The following STARD13 variants were observed in gnomAD, a reference collection of about 807,000 sequenced individuals.
The protein encoded by STARD13 is StAR related lipid transfer domain containing 13.
Under a neutral mutation model 106.4 loss-of-function variants are expected in STARD13, and 62 were observed. The observed-to-expected ratio is 0.58, with a 90% CI of 0.48 to 0.72. The LOEUF is 0.72. Among genes scored for constraint, STARD13 ranks in the 30% least tolerant of loss-of-function variants. The pLI, the probability that STARD13 is intolerant of heterozygous loss-of-function variation, is 0.00. For missense variants in STARD13, 1,387 were observed against 1,424.0 expected (o/e 0.97, Z 0.42); for synonymous variants, 565 against 553.0 (o/e 1.02, Z -0.31).
In STARD13 at chr13:33,127,370, C is replaced by T. The variant is rs201658432; in HGVS notation, c.1922+3G>A. 47 of 1,589,144 alleles carry T rather than the reference C, an allele frequency of 3.0e-5. No homozygotes were observed. The highest frequency in any genetic ancestry group is 7.0e-5 in the Admixed American group (4 of 56,824). ...TCCCCTCCTAGGTGAATGTGCTACG[C>T]ACCATGTCCAGCCGTGCTTGTTGGA... On this transcript the variant is annotated splice_donor_region_variant and intron_variant, in intron 6 of 13. Coordinates refer to ENST00000336934, the MANE Select transcript of STARD13 (RefSeq NM_178006.4).
chr13:33,303,893 T>G (rs897440917), intron 1 of STARD13, among the ~76,000 whole-genome samples: 3 of 152,160 alleles, frequency 2.0e-5, no homozygotes, highest in African/African-American at 7.2e-5. Flanking sequence ...CTTAGGAGAC[T>G]TCAAATTCTA....
intron 4 of STARD13, among the ~76,000 whole-genome samples, chr13:33,142,058 T>A (rs1879902323): frequency 6.6e-6 from 1 of 152,184 alleles, no homozygotes; most frequent in African/African-American, 2.4e-5. Context: ...AGACAGGGTG[T>A]CACTGTGTCA....
At chr13:33,184,960 CT>C (rs1885610854) in intron 1 of STARD13, among the ~76,000 whole-genome samples, 1 of 151,754 alleles carries the variant, frequency 6.6e-6, no homozygotes. Flanking sequence ...TGCAACAAAG[CT>C]TTCCTTCAAA....
intron 2 of STARD13, among the ~76,000 whole-genome samples, chr13:33,166,153 C>T (rs1268593370): frequency 1.3e-5 from 2 of 152,120 alleles, no homozygotes; most frequent in East Asian, 1.9e-4. Context: ...GTGCTGTCTA[C>T]ACCTTGCCAG....
intron 3 of STARD13, among the ~76,000 whole-genome samples, chr13:33,153,584 T>C (rs1056682558): frequency 3.4e-4 from 52 of 152,156 alleles, no homozygotes; most frequent in African/African-American, 1.3e-3. Flanking sequence ...AACAGAAGCC[T>C]GGAGAGACAC....
the STARD13 span, among the ~76,000 whole-genome samples, chr13:33,482,306 TA>T: frequency 6.6e-6 from 1 of 152,190 alleles, no homozygotes; most frequent in African/African-American, 2.4e-5. Flanking sequence ...TGCTTATGTT[TA>T]AAAATTTTCA....
chr13:33,237,096 A>C (rs138744254), intron 1 of STARD13, among the ~76,000 whole-genome samples: 1 of 152,186 alleles, frequency 6.6e-6, no homozygotes, highest in African/African-American at 2.4e-5. Flanking sequence ...TTTCTTCCTA[A>C]ACCAGCCCTC....
chr13:33,205,663 A>G (rs534411301), intron 1 of STARD13, among the ~76,000 whole-genome samples: 1 of 152,328 alleles, frequency 6.6e-6, no homozygotes, highest in South Asian at 2.1e-4. Flanking sequence ...CTGCTTTTTA[A>G]TTTTAAATCA....
chr13:33,167,770 G>A (rs989818410), intron 1 of STARD13, 148 bp from the exon 2 acceptor site: 9 of 706,888 alleles, frequency 1.3e-5, no homozygotes, highest in Admixed American at 4.7e-5. Context: ...AGGCTTACCC[G>A]GGAGTGGGTG....
the STARD13 span, among the ~76,000 whole-genome samples, chr13:33,427,869 C>A: frequency 5.9e-5 from 9 of 151,310 alleles, no homozygotes; most frequent in Admixed American, 1.3e-4. Context: ...GCAGGAAAAT[C>A]ACTTGAACCC....
the STARD13 span, among the ~76,000 whole-genome samples, chr13:33,356,710 GCTATTGTTGTTGTTGCTA>G: frequency 2.6e-5 from 4 of 152,196 alleles, no homozygotes; most frequent in East Asian, 7.7e-4. Context: ...CATTTTAATT[GCTATTGTTGTTGTTGCTA>G]CTATTTTGCC....
chr13:33,526,196 G>A, the STARD13 span, among the ~76,000 whole-genome samples: 39 of 151,758 alleles, frequency 2.6e-4, no homozygotes, highest in African/African-American at 9.4e-4. Flanking sequence ...CCATCCTTAT[G>A]CTTGTGAGAG....
the STARD13 span, among the ~76,000 whole-genome samples, chr13:33,497,223 G>C: frequency 2.0e-5 from 3 of 152,116 alleles, no homozygotes; most frequent in Non-Finnish European, 4.4e-5. Context: ...ATGTGCAAAT[G>C]TATGTTGTTG....
At chr13:33,459,319 A>C in the STARD13 span, among the ~76,000 whole-genome samples, 3 of 152,108 alleles carry the variant, frequency 2.0e-5, no homozygotes, top group Non-Finnish European at 4.4e-5. Context: ...ATCAGTTTGC[A>C]TTCTTTAAAA....
At chr13:33,286,846 G>A (rs1273379973), upstream of STARD13, among the ~76,000 whole-genome samples, 2 of 151,966 alleles carry the variant, frequency 1.3e-5, no homozygotes, top group Non-Finnish European at 2.9e-5. Context: ...ATATCTGAGT[G>A]TGTGTGTATA....
intron 1 of STARD13, among the ~76,000 whole-genome samples, chr13:33,267,833 G>A (rs1890971591): frequency 2.0e-5 from 3 of 152,146 alleles, no homozygotes; most frequent in Non-Finnish European, 2.9e-5. Flanking sequence ...CTGCTGGGCC[G>A]TCTCTTTCCC....
the STARD13 span, among the ~76,000 whole-genome samples, chr13:33,411,262 G>A: frequency 6.6e-6 from 1 of 152,128 alleles, no homozygotes; most frequent in African/African-American, 2.4e-5. Flanking sequence ...CATAATAAAA[G>A]GCGTATGTGG....
the STARD13 span, among the ~76,000 whole-genome samples, chr13:33,477,947 T>A: frequency 6.6e-6 from 1 of 151,156 alleles, no homozygotes; most frequent in Non-Finnish European, 1.5e-5. Context: ...AATTTCCAGG[T>A]CACTGCATCC....
intron 3 of STARD13, among the ~76,000 whole-genome samples, chr13:33,163,638 TAACATATATATATATAA>T (rs1882938485): frequency 9.2e-6 from 1 of 108,146 alleles, no homozygotes; most frequent in African/African-American, 4.8e-5. Context: ...CATATATATA[TAACATATATATATATAA>T]AACATATATA....
Sources: allele counts gnomAD v4.1 joint callset (sites outside exome capture counted in the v4.1 genomes callset), GRCh38; gene constraint gnomAD v4.1.1; transcripts MANE v1.5; gene names NCBI Gene and HGNC (gene_info 2026-07-23, HGNC 2026-07-21).